Variants in DMD observed in about 807,000 individuals in gnomAD.
The protein encoded by DMD is dystrophin.
In DMD, 63 loss-of-function variants were observed where a neutral mutation model predicts 330.1. The ratio of observed to expected loss-of-function variants is 0.19; its 90% confidence interval spans 0.16 to 0.24. The LOEUF is 0.24. Ranked by LOEUF, DMD falls within the 10% of genes least tolerant of loss-of-function variation. The pLI, the probability that DMD is intolerant of heterozygous loss-of-function variation, is 1.00. For synonymous variants in DMD, 1,223 were observed against 959.8 expected, an observed-to-expected ratio of 1.27 and a Z score of -5.07; for missense variants, 3,344 against 2,684.1, an observed-to-expected ratio of 1.25 and a Z score of -5.43.
intron 44 of DMD, among the ~76,000 whole-genome samples, chrX:32,178,849 G>GTGTA (rs1185671024): frequency 9.3e-6 from 1 of 107,470 alleles, no homozygotes; most frequent in Non-Finnish European, 1.9e-5. Context: ...GTGTGTGTGT[G>GTGTA]TGTGTGTGTG....
intron 1 of DMD, among the ~76,000 whole-genome samples, chrX:33,263,442 T>A (rs867747183): frequency 1.5e-3 from 153 of 105,363 alleles, no homozygotes; most frequent in African/African-American, 5.3e-3. Context: ...TTAAAAAATA[T>A]ATATATATAT....
intron 9 of DMD, among the ~76,000 whole-genome samples, chrX:32,653,146 G>A (rs969319923): frequency 3.6e-5 from 4 of 111,891 alleles, no homozygotes; most frequent in Non-Finnish European, 7.5e-5. Context: ...TTGCTTTGCA[G>A]AAGCTCCTTG....
At chrX:32,269,762 G>A (rs749082217) in intron 43 of DMD, among the ~76,000 whole-genome samples, 1 of 111,653 alleles carries the variant, frequency 9.0e-6, no homozygotes, top group Non-Finnish European at 1.9e-5. Context: ...TTTAAAACTA[G>A]TTATTACAAG....
intron 57 of DMD, among the ~76,000 whole-genome samples, chrX:31,491,052 T>A (rs1466584691): frequency 8.9e-6 from 1 of 112,619 alleles, no homozygotes; most frequent in Non-Finnish European, 1.9e-5. Flanking sequence ...CATCTAAATC[T>A]TAACCAGAAA....
chrX:31,342,390 G>C (rs1157612720), intron 61 of DMD, among the ~76,000 whole-genome samples: 2 of 111,838 alleles, frequency 1.8e-5, no homozygotes, highest in African/African-American at 6.5e-5. Context: ...CCTGAAAAAG[G>C]CTTCCACAGT....
chrX:32,851,312 C>T (rs951501718), intron 2 of DMD, among the ~76,000 whole-genome samples: 1 of 112,120 alleles, frequency 8.9e-6, no homozygotes, highest in African/African-American at 3.2e-5. Context: ...GTGTGCCCAG[C>T]TTTGTGAATC....
At chrX:32,529,545 C>CT (rs1364117157) in intron 17 of DMD, among the ~76,000 whole-genome samples, 1 of 108,033 alleles carries the variant, frequency 9.3e-6, no homozygotes, top group Non-Finnish European at 1.9e-5. Flanking sequence ...GCAAAATCAA[C>CT]TTTCTAAATT....
At chrX:32,420,365 C>A (rs981698427) in intron 29 of DMD, among the ~76,000 whole-genome samples, 20 of 111,709 alleles carry the variant, frequency 1.8e-4, no homozygotes, top group African/African-American at 5.2e-4. Flanking sequence ...AGACAAAAGT[C>A]CAAATCTGGG....
intron 62 of DMD, among the ~76,000 whole-genome samples, chrX:31,288,915 G>GT (rs2053438180): frequency 1.8e-5 from 2 of 110,912 alleles, no homozygotes; most frequent in Admixed American, 1.9e-4. Flanking sequence ...TTATTTTTAG[G>GT]TTTTTTGTAT....
chrX:32,491,462 T>C lies in DMD; in HGVS notation c.2437A>G (p.Ile813Val). Residue 813 changes from isoleucine (I) to valine (V), a missense_variant, in exon 20 of 79, where the codon ATC becomes GTC. By Grantham distance (29) the Ile-to-Val change is conservative. Coordinates refer to ENST00000357033, the MANE Select transcript of DMD (RefSeq NM_004006.3). ...QASEQLNSRWIEFCQLLSERL... is the reference protein window; with the variant it reads ...QASEQLNSRWVEFCQLLSERL... Reference sequence around the variant, plus strand: ...TCACTTAGCAACTGGCAGAATTCGATCCACCGGCTGTTCAGTTGTTCTGAG... The same window carrying C: ...TCACTTAGCAACTGGCAGAATTCGACCCACCGGCTGTTCAGTTGTTCTGAG... 8.3e-7 allele frequency: 1 copy of C among 1,211,000 alleles called. No individual in the cohort carries two copies. Among genetic ancestry groups the C allele is most frequent in the African/African-American group, 1.7e-5 (1 of 57,727 alleles).
chrX:32,809,012 G>T (rs769471146), intron 7 of DMD, among the ~76,000 whole-genome samples: 8 of 111,792 alleles, frequency 7.2e-5, no homozygotes, highest in Non-Finnish European at 1.3e-4. Flanking sequence ...ATCCAACAGA[G>T]GATCTCCCCA....
intron 17 of DMD, among the ~76,000 whole-genome samples, chrX:32,527,910 T>C (rs2047069139): frequency 9.0e-6 from 1 of 111,595 alleles, no homozygotes; most frequent in Non-Finnish European, 1.9e-5. Context: ...GGGGGGAAGA[T>C]AGGGCCACAT....
intron 44 of DMD, among the ~76,000 whole-genome samples, chrX:32,051,626 A>G (rs1389867337): frequency 9.1e-6 from 1 of 110,022 alleles, no homozygotes; most frequent in East Asian, 2.9e-4. Context: ...GAACGGCTCA[A>G]TGATGATATT....
intron 44 of DMD, among the ~76,000 whole-genome samples, chrX:32,059,644 T>C (rs1438691422): frequency 9.0e-6 from 1 of 110,797 alleles, no homozygotes; most frequent in Non-Finnish European, 1.9e-5. Context: ...AAGAAGGACA[T>C]AGAGAGACCA....
chrX:32,764,269 A>G (rs764741373), intron 7 of DMD, among the ~76,000 whole-genome samples: 16 of 111,637 alleles, frequency 1.4e-4, no homozygotes, highest in African/African-American at 3.9e-4. Context: ...CTAAAACTTT[A>G]CAAGAAAGCT....
chrX:31,560,236 G>A (rs1012976557), intron 55 of DMD, among the ~76,000 whole-genome samples: 2 of 111,707 alleles, frequency 1.8e-5, no homozygotes, highest in African/African-American at 3.3e-5. Flanking sequence ...CAGTTTTGAA[G>A]TGGGGCCTGG....
In DMD at chrX:33,317,273, A is replaced by T. The variant is rs543633032; in HGVS notation, c.7+21986T>A. Among the ~76,000 whole-genome samples the T allele has an allele frequency of 2.2e-4, 25 of 111,384 alleles. No individual in the cohort carries two copies. In the South Asian group the frequency reaches 9.3e-3, roughly 41 times the overall value. ...GAGATTATATTGCTCATTTGCCAGA[A>T]TCCATGCTTTCAAAGAAGGCTGACC... is the stretch of plus-strand genomic sequence containing the variant. On this transcript the variant is annotated intron_variant, in intron 1 of 17. Transcript: ENST00000288447.
At chrX:32,624,309 T>A (rs1337493146) in intron 11 of DMD, among the ~76,000 whole-genome samples, 2 of 111,439 alleles carry the variant, frequency 1.8e-5, no homozygotes, top group African/African-American at 3.3e-5. Flanking sequence ...CAGGAGTTGG[T>A]CCTGACAGTA....
chrX:32,794,406 G>T (rs747717429), intron 7 of DMD, among the ~76,000 whole-genome samples: 18 of 111,090 alleles, frequency 1.6e-4, no homozygotes, highest in African/African-American at 5.9e-4. Flanking sequence ...TGGCTAACAC[G>T]GTGAAACCCC....
Sources: allele counts gnomAD v4.1 joint callset (sites outside exome capture counted in the v4.1 genomes callset), GRCh38; gene constraint gnomAD v4.1.1; transcripts MANE v1.5; gene names NCBI Gene and HGNC (gene_info 2026-07-23, HGNC 2026-07-21).